The following ZBBX variants were observed in gnomAD, a reference collection of about 807,000 sequenced individuals.
ZBBX encodes zinc finger B-box domain containing.
Under a neutral mutation model 108.5 loss-of-function variants are expected in ZBBX, and 101 were observed. That is an observed-to-expected ratio of 0.93 (90% CI 0.79 to 1.10). The LOEUF (loss-of-function observed/expected upper bound fraction) is 1.10, where lower values mean the gene tolerates loss of function less well. Among genes scored for constraint, ZBBX ranks in the 50% least tolerant of loss-of-function variants. The probability of loss-of-function intolerance (pLI) is 0.00; values close to 1 mark genes in which losing one functional copy is unlikely to be tolerated. For missense variants in ZBBX, 1,009 were observed against 941.4 expected (o/e 1.07, Z -0.94); for synonymous variants, 356 against 323.4 (o/e 1.10, Z -1.08).
Position 167,271,615 on chromosome 3 carries a change from G to A in ZBBX, c.2254+10623C>T, listed in dbSNP as rs185776491. ...CTGGGGACCCAAAGCCATGTGTGACGTAGTTCTCAGAGTTCATGGGTGTAT... is the reference window on the plus strand; with the variant it reads ...CTGGGGACCCAAAGCCATGTGTGACATAGTTCTCAGAGTTCATGGGTGTAT... On this transcript the variant is annotated intron_variant, in intron 20 of 21. Transcript: ENST00000675490. 4.5e-3 allele frequency among the ~76,000 whole-genome samples: 682 copies of A among 152,248 alleles called. 21 individuals are homozygous for A. The highest frequency in any genetic ancestry group is 2.3e-3 in the Non-Finnish European group (156 of 68,022).
At chr3:167,357,532 G>A (rs1743779150) in intron 8 of ZBBX, among the ~76,000 whole-genome samples, 1 of 152,038 alleles carries the variant, frequency 6.6e-6, no homozygotes, top group South Asian at 2.1e-4. Context: ...TGAAAGCAGG[G>A]TCTTAAAGAG....
At chr3:167,201,162 C>T in the ZBBX span, among the ~76,000 whole-genome samples, 1 of 151,924 alleles carries the variant, frequency 6.6e-6, no homozygotes, top group Non-Finnish European at 1.5e-5. Flanking sequence ...CCAGGTATTA[C>T]AAAGTAAAAT....
intron 9 of ZBBX, among the ~76,000 whole-genome samples, chr3:167,343,322 A>G (rs1289588613): frequency 1.3e-5 from 2 of 151,914 alleles, no homozygotes; most frequent in East Asian, 3.9e-4. Flanking sequence ...AAGCCCCTGT[A>G]CTGCCACTAC....
At chr3:167,317,731 C>G (rs2108298027) in intron 12 of ZBBX, 134 bp from the exon 13 acceptor site, 3 of 516,092 alleles carry the variant, frequency 5.8e-6, no homozygotes, top group Non-Finnish European at 1.0e-5. Context: ...ACCTTTAATT[C>G]AAAGATAAGT....
chr3:167,276,900 T>C lies in ZBBX; in HGVS notation c.2254+5338A>G, dbSNP rs530867979. 2.4e-3 allele frequency among the ~76,000 whole-genome samples: 372 copies of C among 152,034 alleles called. 8 individuals carry two copies. The highest frequency in any genetic ancestry group is 2.6e-3 in the Non-Finnish European group (175 of 67,954). On this transcript the variant is annotated intron_variant, in intron 20 of 21. Transcript: ENST00000675490. ...ATCAGACTAACAGCGGATCTCTCGG[T>C]AGAAACTCTACAAGCCAGAAGAGAG...
chr3:167,403,696 T>C (rs1416516410), intron 1 of ZBBX, among the ~76,000 whole-genome samples: 3 of 152,052 alleles, frequency 2.0e-5, no homozygotes, highest in Non-Finnish European at 2.9e-5. Context: ...CTCTATGATA[T>C]GTGAGGTGGA....
chr3:167,315,832 TATTAA>T lies in ZBBX; in HGVS notation c.1195-8_1195-4del, dbSNP rs1735356615. On this transcript the variant is annotated splice_polypyrimidine_tract_variant and splice_region_variant and intron_variant, in intron 14 of 21. Coordinates refer to ENST00000675490, the MANE Select transcript of ZBBX (RefSeq NM_001199201.2). ...TCTTCAAATTCCTCTTCATAAGTCT[TATTAA>T]ATTAATGTTATATAATATTAGTAAG... The T allele has an allele frequency of 3.2e-6, 5 of 1,566,194 alleles. No homozygotes were observed. In the South Asian group the frequency reaches 3.5e-5, roughly 11 times the overall value.
At chr3:167,346,528 A>C (rs1741483981) in intron 9 of ZBBX, among the ~76,000 whole-genome samples, 1 of 151,940 alleles carries the variant, frequency 6.6e-6, no homozygotes, top group Non-Finnish European at 1.5e-5. Flanking sequence ...CTTTATATTA[A>C]CCACAAATGA....
chr3:167,251,925 AACAC>A (rs3221849), intron 20 of ZBBX, among the ~76,000 whole-genome samples: 82 of 143,804 alleles, frequency 5.7e-4, no homozygotes, highest in East Asian at 1.1e-3. Context: ...TTGTGCCTGC[AACAC>A]ACACACACAC....
chr3:167,388,617 C>T (rs536455157), intron 1 of ZBBX, among the ~76,000 whole-genome samples: 2 of 152,084 alleles, frequency 1.3e-5, no homozygotes, highest in South Asian at 4.1e-4. Flanking sequence ...ACAAAATAAA[C>T]GTTGACCTCT....
intron 20 of ZBBX, among the ~76,000 whole-genome samples, chr3:167,252,728 G>T (rs1227035606): frequency 6.6e-6 from 1 of 152,072 alleles, no homozygotes; most frequent in Non-Finnish European, 1.5e-5. Context: ...GTGTTCTAGT[G>T]AAAATACTGA....
intron 16 of ZBBX, among the ~76,000 whole-genome samples, chr3:167,309,558 C>T (rs1044979953): frequency 2.0e-5 from 3 of 152,244 alleles, no homozygotes; most frequent in Non-Finnish European, 4.4e-5. Context: ...GTGGAAGCCA[C>T]CAAGGCTTGG....
intron 1 of ZBBX, among the ~76,000 whole-genome samples, chr3:167,396,329 T>G (rs1298554886): frequency 6.6e-6 from 1 of 151,980 alleles, no homozygotes; most frequent in Non-Finnish European, 1.5e-5. Context: ...TAAGCCTGAG[T>G]GATTGAGAGA....
At chr3:167,280,084 T>A (rs542210613) in intron 20 of ZBBX, among the ~76,000 whole-genome samples, 1 of 152,090 alleles carries the variant, frequency 6.6e-6, no homozygotes, top group African/African-American at 2.4e-5. Context: ...TTACACCTTA[T>A]ACAAAAATCA....
intron 18 of ZBBX, among the ~76,000 whole-genome samples, chr3:167,290,478 G>A (rs1730489105): frequency 6.6e-6 from 1 of 152,106 alleles, no homozygotes; most frequent in East Asian, 1.9e-4. Flanking sequence ...CTGTTAGAAG[G>A]AAAACTAACA....
intron 20 of ZBBX, among the ~76,000 whole-genome samples, chr3:167,271,401 C>T (rs147050602): frequency 6.6e-4 from 100 of 152,314 alleles, no homozygotes; most frequent in Non-Finnish European, 1.1e-3. Flanking sequence ...TCTGGAACAC[C>T]TGTCTTTCAC....
the ZBBX span, among the ~76,000 whole-genome samples, chr3:167,187,564 C>G: frequency 6.6e-6 from 1 of 152,266 alleles, no homozygotes; most frequent in African/African-American, 2.4e-5. Context: ...GTGACAGCAC[C>G]TTCCATTGTC....
intron 11 of ZBBX, among the ~76,000 whole-genome samples, chr3:167,326,712 A>G (rs12493922): frequency 0.33 from 49,383 of 151,920 alleles, 9,356 homozygotes; most frequent in Non-Finnish European, 0.43. Flanking sequence ...ATAAACTACT[A>G]AGAAGACAGC....
chr3:167,245,667 G>T (rs6767804), intron 20 of ZBBX, among the ~76,000 whole-genome samples: 116,658 of 151,870 alleles, frequency 0.77, 44,812 homozygotes, highest in East Asian at 0.84. Context: ...ATCTGGTTGT[G>T]TAAAAGTGTG....
Sources: gnomAD v4.1 joint callset for allele counts (sites outside exome capture counted in the v4.1 genomes callset) on GRCh38, gnomAD v4.1.1 for gene constraint, MANE v1.5 for transcripts, NCBI Gene and HGNC (gene_info 2026-07-23, HGNC 2026-07-21) for gene names.